COL20A1: variants seen among roughly 807,000 people sequenced by gnomAD.
The protein encoded by COL20A1 is collagen alpha-1(XX) chain.
Under a neutral mutation model 152.9 loss-of-function variants are expected in COL20A1, and 164 were observed. The observed-to-expected ratio is 1.07, with a 90% CI of 0.94 to 1.22. The LOEUF is 1.22. Among genes scored for constraint, COL20A1 ranks in the 50% most tolerant of loss-of-function variants. The pLI is 0.00. For synonymous variants in COL20A1, 864 were observed against 756.0 expected (o/e 1.14, Z -2.34); for missense variants, 1,873 against 1,744.8 (o/e 1.07, Z -1.31).
chr20:63,300,449 T>G (rs2067850623), intron 3 of COL20A1, among the ~76,000 whole-genome samples: 1 of 152,170 alleles, frequency 6.6e-6, no homozygotes, highest in East Asian at 1.9e-4. Flanking sequence ...GGTAAGTTAG[T>G]TTTTTAAACA....
intron 8 of COL20A1, among the ~76,000 whole-genome samples, chr20:63,308,995 C>T (rs1339366876): frequency 2.0e-5 from 3 of 152,204 alleles, no homozygotes; most frequent in Non-Finnish European, 4.4e-5. Flanking sequence ...CCAGCTGCCC[C>T]CTCTGGCCAC....
intron 8 of COL20A1, 69 bp from the exon 9 acceptor site, chr20:63,309,264 C>G: frequency 8.0e-7 from 1 of 1,254,462 alleles, no homozygotes; most frequent in Non-Finnish European, 1.0e-6. Flanking sequence ...TCCATGGAGA[C>G]CCCCACCGCA....
Position 63,326,166 on chromosome 20 carries a change from C to G in COL20A1, c.3456+17C>G, listed in dbSNP as rs202204544. 2 of 1,603,278 alleles carry G rather than the reference C, an allele frequency of 1.2e-6. No homozygotes were observed. The highest frequency in any genetic ancestry group is 1.7e-6 in the Non-Finnish European group (2 of 1,171,366). ...GGCCCCAGGGTAGGCACCGACCTCCCATGACCCCGACCCCCACCCAGGGTT... is the reference window on the plus strand; with the variant it reads ...GGCCCCAGGGTAGGCACCGACCTCCGATGACCCCGACCCCCACCCAGGGTT... On this transcript the variant is annotated intron_variant, in intron 30 of 35. Coordinates refer to ENST00000358894, the MANE Select transcript of COL20A1 (RefSeq NM_020882.4).
At chr20:63,294,734 CG>C (rs1490930543) in intron 1 of COL20A1, among the ~76,000 whole-genome samples, 2 of 152,154 alleles carry the variant, frequency 1.3e-5, no homozygotes, top group African/African-American at 4.8e-5. Flanking sequence ...CCGTGGCCCT[CG>C]GGAGCCCCAC....
chr20:63,327,472 G>A lies in COL20A1; in HGVS notation c.3529-480G>A, dbSNP rs146090619. 3.0e-4 allele frequency: 56 copies of A among 186,882 alleles called. No homozygotes were observed. The East Asian group carries it at 7.4e-3, about 25-fold the overall frequency. The allele number at this position is 186,882 out of a possible 1,614,324, so 11.6% of individuals were successfully genotyped here. A position where few individuals can be genotyped will look rare whatever the true frequency, so the allele number is the denominator to read the frequency against. On this transcript the variant is annotated intron_variant, in intron 31 of 35. Coordinates refer to ENST00000358894, the MANE Select transcript of COL20A1 (RefSeq NM_020882.4). The stretch of plus-strand genomic sequence containing the variant: ...GGGTAGGGGGACAGACGTGGGAGAT[G>A]GGGGTGTAGTGTCCCCTGGGGGATG...
rs1044861734 is a variant in COL20A1, at chr20:63,311,065, C to T, written c.1394-329C>T. ...AAGCCACCTTCTGTCTCTGGATGTGCCTGTCCCAGACGTTTCCTGCAGGTG... is the reference window on the plus strand; with the variant it reads ...AAGCCACCTTCTGTCTCTGGATGTGTCTGTCCCAGACGTTTCCTGCAGGTG... On this transcript the variant is annotated intron_variant, in intron 11 of 35. Coordinates refer to ENST00000358894, the MANE Select transcript of COL20A1 (RefSeq NM_020882.4). The surrounding 1 kb of genome is among the most constrained non-coding windows in gnomAD (Gnocchi z 4.4). Among the ~76,000 whole-genome samples, 1 of 151,822 alleles carries T rather than the reference C, an allele frequency of 6.6e-6. No homozygotes were observed.
rs192347214 is a variant in COL20A1 at position 63,305,183 on chromosome 20, G to T, written c.194-234G>T. Among the ~76,000 whole-genome samples, 2 of 151,280 alleles carry T rather than the reference G, an allele frequency of 1.3e-5. 1 individual carries two copies. Among genetic ancestry groups the T allele is most frequent in the Admixed American group, 1.3e-4 (2 of 15,242 alleles). Reference sequence around the variant, plus strand: ...CCTCACCATGCGGCGGATTCCTCTAGGGGGGTTTAGTAAGTGACATCTTCT... The same window carrying T: ...CCTCACCATGCGGCGGATTCCTCTATGGGGGTTTAGTAAGTGACATCTTCT... On this transcript the variant is annotated intron_variant, in intron 3 of 35. Coordinates refer to ENST00000358894, the MANE Select transcript of COL20A1 (RefSeq NM_020882.4). The surrounding 1 kb of genome is among the most constrained non-coding windows in gnomAD (Gnocchi z 4.9).
chr20:63,314,631 C>T (rs1183809798), intron 19 of COL20A1, among the ~76,000 whole-genome samples: 5 of 152,156 alleles, frequency 3.3e-5, no homozygotes, highest in African/African-American at 9.7e-5. Flanking sequence ...ACAGCTTCCC[C>T]GGCGAGGCAG....
chr20:63,325,297 GAC>G, intron 27 of COL20A1, 142 bp from the exon 28 acceptor site: 1 of 728,798 alleles, frequency 1.4e-6, no homozygotes, highest in Non-Finnish European at 2.5e-6. Context: ...GGACAGATGG[GAC>G]CAGAAGGTCC....
intron 3 of COL20A1, 115 bp downstream of exon 3, chr20:63,298,135 T>C (rs1050167243): frequency 4.6e-6 from 3 of 653,888 alleles, no homozygotes; most frequent in Admixed American, 2.7e-5. Context: ...AGCCCCTTAG[T>C]GTCAGCACCT....
rs903014694 is a variant in COL20A1, at chr20:63,309,013, G to C, written c.940+307G>C. On this transcript the variant is annotated intron_variant, in intron 8 of 35. Transcript: ENST00000358894. ...GCTGCCCCCTCTGGCCACCATCCCTGTGCCTGGTGACTCCCGCCTGCTGTG... is the reference window on the plus strand; with the variant it reads ...GCTGCCCCCTCTGGCCACCATCCCTCTGCCTGGTGACTCCCGCCTGCTGTG... Among the ~76,000 whole-genome samples, 2 of 152,044 alleles carry C rather than the reference G, an allele frequency of 1.3e-5. 1 individual carries two copies. Among genetic ancestry groups the C allele is most frequent in the South Asian group, 4.1e-4 (2 of 4,830 alleles).
At chr20:63,327,077 C>T in intron 31 of COL20A1, 2 of 425,388 alleles carry the variant, frequency 4.7e-6, no homozygotes, top group Middle Eastern at 3.4e-4. Flanking sequence ...CCAAGGACTT[C>T]CTGTCGCTCT....
rs901862790 is a variant in COL20A1 at position 63,312,855 on chromosome 20, C to T, written c.1997C>T (p.Ala666Val). Residue 666 changes from alanine to valine, a missense_variant, in exon 16 of 36, where the codon GCG becomes GTG. Transcript: ENST00000358894. Reference protein sequence around the residue: ...TELPGDAVQLAWVAAAPSGVL... With the variant: ...TELPGDAVQLVWVAAAPSGVL... ...CTGCCAGGGGATGCAGTCCAGCTGG[C>T]GTGGGTGGCCGCAGCCCCGTCTGGC... is the stretch of plus-strand genomic sequence containing the variant. The T allele has an allele frequency of 2.1e-5, 33 of 1,556,670 alleles. No homozygotes were observed. Among genetic ancestry groups the T allele is most frequent in the Non-Finnish European group, 2.8e-5 (32 of 1,150,578 alleles).
chr20:63,319,556 C>A lies in COL20A1; in HGVS notation c.2876C>A (p.Pro959Gln). 6.3e-7 allele frequency: 1 copy of A among 1,596,984 alleles called. No homozygotes were observed. Among genetic ancestry groups the A allele is most frequent in the East Asian group, 2.3e-5 (1 of 43,978 alleles). Reference sequence around the variant, plus strand: ...GCCTTGCAGGAGGCCACCTTCGACCCGCAGGAAGTGAGGAAGATTTTCTTC... The same window carrying A: ...GCCTTGCAGGAGGCCACCTTCGACCAGCAGGAAGTGAGGAAGATTTTCTTC... Reference protein sequence around the residue: ...RAALQEATFDPQEVRKIFFGS... With the variant: ...RAALQEATFDQQEVRKIFFGS... The change falls in exon 23 of 36, where the codon CCG becomes CAG. Residue 959 changes from proline (P) to glutamine (Q), a missense_variant. By Grantham distance (76) the Pro-to-Gln change is moderately conservative. Coordinates refer to ENST00000358894, the MANE Select transcript of COL20A1 (RefSeq NM_020882.4). This position sits in a 1 kb window ranked among gnomAD's most constrained non-coding sequence, Gnocchi z 4.4.
chr20:63,293,217 G>A lies in COL20A1; in HGVS notation c.-69G>A, dbSNP rs1251259436. 1 of 152,246 alleles carries A rather than the reference G, an allele frequency of 6.6e-6. No homozygotes were observed. Among genetic ancestry groups the A allele is most frequent in the African/African-American group, 2.4e-5 (1 of 41,420 alleles). The allele number at this position is 152,246 out of a possible 1,614,324, so 9.4% of individuals were successfully genotyped here. A position where few individuals can be genotyped will look rare whatever the true frequency, so the allele number is the denominator to read the frequency against. ...TCCAGCCTTCCTGTGGCCACAGCAG[G>A]ACCAGAGTGGACCAGCACACCCCAG... is the stretch of plus-strand genomic sequence containing the variant. On this transcript the variant is annotated 5_prime_UTR_variant, in exon 1 of 36. Coordinates refer to ENST00000358894, the MANE Select transcript of COL20A1 (RefSeq NM_020882.4).
At chr20:63,299,347 A>T (rs116356658) in intron 3 of COL20A1, among the ~76,000 whole-genome samples, 3 of 152,324 alleles carry the variant, frequency 2.0e-5, no homozygotes, top group Admixed American at 2.0e-4. Flanking sequence ...ACTCCCGTCA[A>T]CACTGTATGA....
At chr20:63,294,423 C>T (rs2067760171) in intron 1 of COL20A1, among the ~76,000 whole-genome samples, 4 of 151,802 alleles carry the variant, frequency 2.6e-5, no homozygotes. Context: ...CCACTCCCAG[C>T]CCCTTTGAGT....
In COL20A1 at chr20:63,320,308, G is replaced by A. The variant is rs374723684; in HGVS notation, c.3093G>A (p.Leu1031=). The part of the protein sequence containing the change: ...SSSAAFQLQM[L]QIVCSDTWAD... ...CGTTGCAGTTTCAGCTCCAGATGCT[G>A]CAGATCGTGTGCAGTGACACCTGGG... Residue 1031 remains leucine (L), a synonymous_variant, in exon 25 of 36, where the codon CTG becomes CTA. Transcript: ENST00000358894. 6.2e-6 allele frequency: 10 copies of A among 1,610,560 alleles called. No individual in the cohort carries two copies. In the African/African-American group the frequency reaches 8.0e-5, roughly 13 times the overall value.
intron 19 of COL20A1, 119 bp from the exon 20 acceptor site, chr20:63,315,285 C>A: frequency 1.0e-6 from 1 of 994,720 alleles, no homozygotes; most frequent in Non-Finnish European, 1.5e-6. Context: ...CACAGTCCCA[C>A]CTATACAGAT....
Sources: gnomAD v4.1 joint callset for allele counts (sites outside exome capture counted in the v4.1 genomes callset) on GRCh38, gnomAD v4.1.1 for gene constraint, Gnocchi (gnomAD v3.1) non-coding constraint, MANE v1.5 for transcripts, NCBI Gene and HGNC (gene_info 2026-07-23, HGNC 2026-07-21) for gene names.